The following ITPKB variants were observed in gnomAD, a reference collection of about 807,000 sequenced individuals.
ITPKB encodes inositol-trisphosphate 3-kinase B, also known as IP3 3-kinase B.
In ITPKB, 13 loss-of-function variants were observed where a neutral mutation model predicts 69.4. The observed-to-expected ratio is 0.19, with a 90% confidence interval of 0.12 to 0.30. ITPKB has a LOEUF of 0.30. ITPKB is among the 10% of genes least tolerant of loss of function. The probability of loss-of-function intolerance (pLI) is 1.00; values close to 1 mark genes in which losing one functional copy is unlikely to be tolerated. For synonymous variants in ITPKB, 584 were observed against 513.7 expected, an observed-to-expected ratio of 1.14 and a Z score of -1.85; for missense variants, 1,240 against 1,250.5, an observed-to-expected ratio of 0.99 and a Z score of 0.13.
chr1:226,710,333 G>A (rs1656914763), intron 2 of ITPKB, among the ~76,000 whole-genome samples: 1 of 152,164 alleles, frequency 6.6e-6, no homozygotes, highest in African/African-American at 2.4e-5. Flanking sequence ...AGCAAGTAGG[G>A]GCCAGCTACG....
intron 2 of ITPKB, among the ~76,000 whole-genome samples, chr1:226,649,346 T>C (rs543113304): frequency 5.2e-5 from 6 of 115,534 alleles, no homozygotes; most frequent in African/African-American, 3.7e-4. Flanking sequence ...TATGTGTGCA[T>C]ATGTGATATA....
chr1:226,647,647 C>A (rs754238195), intron 3 of ITPKB, among the ~76,000 whole-genome samples: 4 of 152,246 alleles, frequency 2.6e-5, no homozygotes, highest in Admixed American at 1.3e-4. Context: ...GGGTACAGAG[C>A]TAGGTGAGAG....
intron 2 of ITPKB, among the ~76,000 whole-genome samples, chr1:226,732,981 A>C (rs878923418): frequency 4.3e-4 from 66 of 152,188 alleles, no homozygotes; most frequent in Non-Finnish European, 5.7e-4. Context: ...AGGAGGCCCG[A>C]AAGGCTTAAC....
At chr1:226,665,472 G>C (rs1216913531) in intron 2 of ITPKB, among the ~76,000 whole-genome samples, 1 of 152,220 alleles carries the variant, frequency 6.6e-6, no homozygotes, top group Non-Finnish European at 1.5e-5. Context: ...GAAAACACGG[G>C]ACATGCTTGA....
chr1:226,681,794 A>C (rs1350411831), intron 2 of ITPKB, among the ~76,000 whole-genome samples: 1 of 152,190 alleles, frequency 6.6e-6, no homozygotes, highest in African/African-American at 2.4e-5. Flanking sequence ...CTGCAAAACA[A>C]AATTTCCAAC....
At chr1:226,691,010 A>T (rs188390039) in intron 2 of ITPKB, among the ~76,000 whole-genome samples, 15 of 152,308 alleles carry the variant, frequency 9.8e-5, no homozygotes, top group African/African-American at 3.4e-4. Context: ...AGTACCGAAA[A>T]TAGGCAAATT....
At chr1:226,718,346 G>A (rs1008205888) in intron 2 of ITPKB, among the ~76,000 whole-genome samples, 1 of 151,748 alleles carries the variant, frequency 6.6e-6, no homozygotes, top group South Asian at 2.1e-4. Flanking sequence ...GGCTGGCGTG[G>A]TGGCTCACTC....
rs913208229 is a variant in ITPKB at position 226,739,211 on chromosome 1, G to C, written c.-376C>G. ...AGGGGGGAAAGCTCTTCGGTTCAGG[G>C]GCCCGGCGATCCCGGCAGTGGCGAC... is the stretch of plus-strand genomic sequence containing the variant. On this transcript the variant is annotated 5_prime_UTR_variant, in exon 1 of 8. Coordinates refer to ENST00000429204, the MANE Select transcript of ITPKB (RefSeq NM_002221.4). 2 of 152,190 alleles carry C rather than the reference G, an allele frequency of 1.3e-5. No individual in the cohort carries two copies. The highest frequency in any genetic ancestry group is 6.5e-5 in the Admixed American group (1 of 15,286). The allele number at this position is 152,190 out of a possible 1,614,324, so 9.4% of individuals were successfully genotyped here.
chr1:226,679,953 G>A (rs1295773169), intron 2 of ITPKB, among the ~76,000 whole-genome samples: 2 of 152,202 alleles, frequency 1.3e-5, no homozygotes, highest in Non-Finnish European at 2.9e-5. Context: ...AGAGGGCAGG[G>A]AGAAAAGGGA....
chr1:226,720,768 G>A (rs950908823), intron 2 of ITPKB, among the ~76,000 whole-genome samples: 3 of 152,034 alleles, frequency 2.0e-5, no homozygotes, highest in South Asian at 2.1e-4. Context: ...TTGGCCGGGC[G>A]CGGCCGGGCG....
rs1004092647 is a variant in ITPKB at position 226,738,224 on chromosome 1, G to A, written c.-205-561C>T. Among the ~76,000 whole-genome samples the A allele has an allele frequency of 1.3e-5, 2 of 152,190 alleles. No homozygotes were observed. The highest frequency in any genetic ancestry group is 4.8e-5 in the African/African-American group (2 of 41,456). Reference sequence around the variant, plus strand: ...CCGCTGCCAGCGCCCGGATCTGGGAGGGCGCCCGCGTGCCCGCCGTTTACC... The same window carrying A: ...CCGCTGCCAGCGCCCGGATCTGGGAAGGCGCCCGCGTGCCCGCCGTTTACC... On this transcript the variant is annotated intron_variant, in intron 1 of 7. Transcript: ENST00000429204. This position sits in a 1 kb window ranked among gnomAD's most constrained non-coding sequence, Gnocchi z 4.2.
At chr1:226,669,128 C>G (rs572007501) in intron 2 of ITPKB, 1 of 152,120 alleles carries the variant, frequency 6.6e-6, no homozygotes, top group African/African-American at 2.4e-5. Context: ...AAAAAATCTA[C>G]TCCTGAGCTG....
intron 7 of ITPKB, among the ~76,000 whole-genome samples, chr1:226,635,940 T>A (rs979334183): frequency 2.0e-5 from 3 of 152,224 alleles, no homozygotes; most frequent in African/African-American, 7.2e-5. Context: ...CATTCCAGCT[T>A]CCAGCAGTGC....
intron 2 of ITPKB, among the ~76,000 whole-genome samples, chr1:226,691,250 A>C (rs184042873): frequency 5.7e-4 from 87 of 151,680 alleles, no homozygotes; most frequent in African/African-American, 1.9e-3. Context: ...AAAAAAAAAA[A>C]CCTCTGTTTT....
chr1:226,697,905 C>T (rs1360042309), intron 2 of ITPKB, among the ~76,000 whole-genome samples: 1 of 152,184 alleles, frequency 6.6e-6, no homozygotes, highest in East Asian at 1.9e-4. Flanking sequence ...TGGGGGCAGC[C>T]CGGTCACAGC....
intron 2 of ITPKB, among the ~76,000 whole-genome samples, chr1:226,706,670 G>A (rs1656807826): frequency 6.6e-6 from 1 of 152,258 alleles, no homozygotes; most frequent in Admixed American, 6.5e-5. Flanking sequence ...TGCTCCAGGT[G>A]ACAGGGCAAA....
chr1:226,680,486 C>G (rs535898695), intron 2 of ITPKB, among the ~76,000 whole-genome samples: 1 of 152,288 alleles, frequency 6.6e-6, no homozygotes, highest in South Asian at 2.1e-4. Flanking sequence ...GGGTCCTTTT[C>G]CGGGACCAGC....
At chr1:226,649,395 AGT>A (rs370040865) in intron 2 of ITPKB, among the ~76,000 whole-genome samples, 34 of 138,142 alleles carry the variant, frequency 2.5e-4, no homozygotes, top group African/African-American at 5.7e-4. Flanking sequence ...TGTGTGCATG[AGT>A]GTGTGTGCAT....
In ITPKB at chr1:226,647,200, G is replaced by A. The variant is rs753788592; in HGVS notation, c.2213C>T (p.Ser738Leu). 7.4e-6 allele frequency: 12 copies of A among 1,614,116 alleles called. No individual in the cohort carries two copies. The highest frequency in any genetic ancestry group is 4.0e-5 in the African/African-American group (3 of 74,936). The stretch of plus-strand genomic sequence containing the variant: ...CATCTTGCAGTCCATCACACAGGGC[G>A]AGTCGAAGTCGGCCAGCAGGTCGTC... ...QMDDLLADFD[S>L]PCVMDCKMGI... The change falls in exon 4 of 8, where the codon TCG (serine) becomes TTG (leucine). Residue 738 changes from serine (S) to leucine (L), a missense_variant. Around this residue, in one of 2 missense-constraint regions of ITPKB, gnomAD observed 248 missense variants for 396.7 expected, o/e 0.63. Coordinates refer to ENST00000429204, the MANE Select transcript of ITPKB (RefSeq NM_002221.4).
Sources: gnomAD v4.1 joint callset for allele counts (sites outside exome capture counted in the v4.1 genomes callset) on GRCh38, gnomAD v4.1.1 for gene constraint, gnomAD v4.1.1 regional missense constraint, Gnocchi (gnomAD v3.1) non-coding constraint, MANE v1.5 for transcripts, NCBI Gene and HGNC (gene_info 2026-07-23, HGNC 2026-07-21) for gene names.